MANBA: variants seen among roughly 807,000 people sequenced by gnomAD.
MANBA encodes the protein beta-mannosidase.
A neutral mutation model predicts 111.1 loss-of-function variants in MANBA; 83 were observed. The ratio of observed to expected loss-of-function variants is 0.75; its 90% CI spans 0.63 to 0.90. The LOEUF is 0.90. MANBA is among the 40% of genes least tolerant of loss of function. The pLI, the probability that MANBA is intolerant of heterozygous loss-of-function variation, is 0.00. For synonymous variants in MANBA, 370 were observed against 378.7 expected, an observed-to-expected ratio of 0.98 and a Z score of 0.27; for missense variants, 1,036 against 1,069.0, an observed-to-expected ratio of 0.97 and a Z score of 0.43.
intron 5 of MANBA, among the ~76,000 whole-genome samples, chr4:102,711,503 C>T (rs1025586322): frequency 2.0e-5 from 3 of 152,088 alleles, no homozygotes; most frequent in Non-Finnish European, 2.9e-5. Flanking sequence ...CATTTATACA[C>T]GGTTGTGGGA....
In MANBA at chr4:102,631,571, A is replaced by G. The variant is rs1729374762; in HGVS notation, c.*486T>C. ...AAAATACCCATATACCTTTACCCAA[A>G]TAGCTACCACCAAGAAATCTCTGTT... On this transcript the variant is annotated 3_prime_UTR_variant, in exon 17 of 17. Transcript: ENST00000647097. 4.9e-6 allele frequency: 2 copies of G among 409,776 alleles called. No homozygotes were observed. Among genetic ancestry groups the G allele is most frequent in the African/African-American group, 4.1e-5 (2 of 48,756 alleles). The allele number at this position is 409,776 out of a possible 1,614,324, so 25.4% of individuals were successfully genotyped here.
Position 102,664,836 on chromosome 4 carries a change from G to C in MANBA, c.1334C>G (p.Ser445Cys), listed in dbSNP as rs748810203. The change falls in exon 11 of 17, where the codon TCT becomes TGT. Residue 445 changes from serine (S) to cysteine (C), a missense_variant. Ser to Cys is a moderately radical substitution (Grantham distance 112, BLOSUM62 -1). Transcript: ENST00000647097. ...ACTCCATATGATGATAGAAGGATGA[G>C]ATTTCAGTCTCTTGATCTGAAAATT... ...EVAYQIKRLK[S>C]HPSIIIWSGN... is the part of the protein sequence containing the mutation. 2 of 1,605,336 alleles carry C rather than the reference G, an allele frequency of 1.2e-6. No homozygotes were observed. The highest frequency in any genetic ancestry group is 8.5e-7 in the Non-Finnish European group (1 of 1,171,972).
Position 102,671,335 on chromosome 4 carries a change from T to G in MANBA, c.1176A>C (p.Gly392=), listed in dbSNP as rs1578888296. Residue 392 remains glycine (G), a synonymous_variant, in exon 9 of 17, where the codon GGA becomes GGC. Coordinates refer to ENST00000647097, the MANE Select transcript of MANBA (RefSeq NM_005908.4). ...ANMNTLRVWG[G]GIYEQDEFYE... ...AGAATTCATCCTGCTCATAAATTCC[T>G]CCTCCCCAAACCCGAAGAGTATTCA... 1.9e-6 allele frequency: 3 copies of G among 1,609,064 alleles called. No homozygotes were observed. Among genetic ancestry groups the G allele is most frequent in the Admixed American group, 1.7e-5 (1 of 59,960 alleles).
rs139049716 is a variant in MANBA, at chr4:102,737,047, C to T, written c.178-10364G>A. The stretch of plus-strand genomic sequence containing the variant: ...ATAATAGTACCGAGAAAAGAAGCAC[C>T]GGAAAGAGCGAGTCCCCAGCTTGAG... On this transcript the variant is annotated intron_variant, in intron 1 of 16. Coordinates refer to ENST00000647097, the MANE Select transcript of MANBA (RefSeq NM_005908.4). Among the ~76,000 whole-genome samples, 123 of 152,232 alleles carry T rather than the reference C, an allele frequency of 8.1e-4. 1 individual carries two copies. Among genetic ancestry groups the T allele is most frequent in the African/African-American group, 2.7e-3 (112 of 41,532 alleles).
chr4:102,740,231 C>A (rs1723352744), intron 1 of MANBA, among the ~76,000 whole-genome samples: 1 of 152,108 alleles, frequency 6.6e-6, no homozygotes, highest in Non-Finnish European at 1.5e-5. Flanking sequence ...AGGAATATAC[C>A]TAACCAAGGA....
chr4:102,721,703 T>A (rs934811189), intron 4 of MANBA, among the ~76,000 whole-genome samples: 1 of 152,132 alleles, frequency 6.6e-6, no homozygotes, highest in Non-Finnish European at 1.5e-5. Flanking sequence ...TCCACTTATA[T>A]AACATTTCTA....
intron 5 of MANBA, among the ~76,000 whole-genome samples, chr4:102,711,196 G>A (rs1018170791): frequency 6.6e-6 from 1 of 152,142 alleles, no homozygotes; most frequent in African/African-American, 2.4e-5. Flanking sequence ...TTGAATGGGA[G>A]AAAATATTTG....
At chr4:102,744,386 A>C (rs897933959) in intron 1 of MANBA, among the ~76,000 whole-genome samples, 4 of 152,222 alleles carry the variant, frequency 2.6e-5, no homozygotes, top group Non-Finnish European at 5.9e-5. Context: ...TCATCAATGT[A>C]ATGGACCAGT....
chr4:102,749,325 A>G (rs539928952), intron 1 of MANBA, among the ~76,000 whole-genome samples: 3 of 152,236 alleles, frequency 2.0e-5, no homozygotes, highest in Non-Finnish European at 4.4e-5. Flanking sequence ...GTGGTTAGAC[A>G]CAAGCATTTC....
intron 12 of MANBA, among the ~76,000 whole-genome samples, chr4:102,656,835 T>C (rs77985169): frequency 0.054 from 8,235 of 152,220 alleles, 292 homozygotes; most frequent in East Asian, 0.094. Flanking sequence ...AGACCACACA[T>C]TATATTATTC....
rs997884870 is a variant in MANBA at position 102,686,176 on chromosome 4, A to T, written c.960+3398T>A. ...CTGAGAAAGGATTAGGAAATGTGTG[A>T]AAAGAACTAGGAAATGTGTGTGTGT... On this transcript the variant is annotated intron_variant, in intron 7 of 16. Transcript: ENST00000647097. Among the ~76,000 whole-genome samples the T allele has an allele frequency of 7.7e-5, 11 of 142,366 alleles. No homozygotes were observed. In the South Asian group the frequency reaches 2.8e-3, roughly 36 times the overall value. The allele number at this position is 142,366 out of a possible 152,430, so 93.4% of individuals were successfully genotyped here.
At chr4:102,690,800 T>C (rs778074816) in intron 5 of MANBA, 29 bp from the exon 6 acceptor site, 3 of 716,874 alleles carry the variant, frequency 4.2e-6, no homozygotes, top group East Asian at 4.1e-5. Context: ...AAGAAATATA[T>C]ATATATATAT....
chr4:102,722,128 T>C (rs1407043248), intron 4 of MANBA, among the ~76,000 whole-genome samples: 1 of 150,016 alleles, frequency 6.7e-6, no homozygotes, highest in Admixed American at 6.6e-5. Flanking sequence ...GTTTAAACAA[T>C]AATGGGTATA....
chr4:102,698,394 C>G (rs1411775460), intron 5 of MANBA, among the ~76,000 whole-genome samples: 2 of 150,008 alleles, frequency 1.3e-5, no homozygotes, highest in African/African-American at 4.9e-5. Flanking sequence ...GCTTTTGTTG[C>G]CATTGCTTTT....
intron 5 of MANBA, among the ~76,000 whole-genome samples, chr4:102,691,789 T>TG (rs1732489024): frequency 6.6e-6 from 1 of 152,178 alleles, no homozygotes; most frequent in Non-Finnish European, 1.5e-5. Context: ...ATTATAGGCA[T>TG]GAGCCACCAT....
intron 5 of MANBA, among the ~76,000 whole-genome samples, chr4:102,708,339 T>C (rs894188249): frequency 2.0e-5 from 3 of 151,916 alleles, no homozygotes; most frequent in African/African-American, 7.3e-5. Flanking sequence ...TAGAAATCAA[T>C]AACAAGAGGA....
intron 12 of MANBA, among the ~76,000 whole-genome samples, chr4:102,655,917 T>A (rs1451800193): frequency 1.3e-5 from 2 of 152,290 alleles, no homozygotes; most frequent in East Asian, 1.9e-4. Context: ...CAGAATATAT[T>A]TTTTTAATTT....
intron 8 of MANBA, among the ~76,000 whole-genome samples, chr4:102,673,410 A>C (rs927394539): frequency 6.6e-6 from 1 of 151,880 alleles, no homozygotes; most frequent in African/African-American, 2.4e-5. Context: ...TGGGAGGCTG[A>C]GGCAGGAGAA....
intron 1 of MANBA, chr4:102,734,716 T>C: frequency 1.3e-6 from 1 of 787,766 alleles, no homozygotes; most frequent in Admixed American, 2.8e-5. Flanking sequence ...AGGTTCAGGG[T>C]CTGAGGAGGC....
Sources: allele counts gnomAD v4.1 joint callset (sites outside exome capture counted in the v4.1 genomes callset), GRCh38; gene constraint gnomAD v4.1.1; transcripts MANE v1.5; gene names NCBI Gene and HGNC (gene_info 2026-07-23, HGNC 2026-07-21).